Variants in RAF1 observed in about 807,000 individuals in gnomAD.
The protein encoded by RAF1 is RAF proto-oncogene serine/threonine-protein kinase.
Under a neutral mutation model 81.1 loss-of-function variants are expected in RAF1, and 27 were observed. The observed-to-expected ratio is 0.33, with a 90% CI of 0.25 to 0.46. The LOEUF is 0.46. Ranked by LOEUF, RAF1 falls within the 20% of genes least tolerant of loss-of-function variation. The pLI, the probability that RAF1 is intolerant of heterozygous loss-of-function variation, is 1.00. For synonymous variants in RAF1, 298 were observed against 294.0 expected (o/e 1.01, Z -0.14); for missense variants, 598 against 826.0 (o/e 0.72, Z 3.38).
intron 11 of RAF1, among the ~76,000 whole-genome samples, chr3:12,594,002 G>C (rs2058607675): frequency 6.6e-6 from 1 of 152,110 alleles, no homozygotes; most frequent in Admixed American, 6.5e-5. Context: ...AAATAGGACA[G>C]AGAATGTTTC....
intron 1 of RAF1, among the ~76,000 whole-genome samples, chr3:12,652,487 C>T (rs1219905883): frequency 6.6e-6 from 1 of 152,016 alleles, no homozygotes; most frequent in Non-Finnish European, 1.5e-5. Context: ...CACCACTGCA[C>T]TCCAGCCTGG....
chr3:12,629,492 A>G (rs1323670893), intron 1 of RAF1, among the ~76,000 whole-genome samples: 1 of 152,202 alleles, frequency 6.6e-6, no homozygotes, highest in Non-Finnish European at 1.5e-5. Flanking sequence ...TACATACAAT[A>G]TCCCTTTTAA....
chr3:12,655,157 A>G (rs1396498403), intron 1 of RAF1, among the ~76,000 whole-genome samples: 1 of 152,236 alleles, frequency 6.6e-6, no homozygotes, highest in Admixed American at 6.5e-5. Flanking sequence ...ATCTCAGCTC[A>G]CTGCAACCTC....
At chr3:12,651,549 G>A (rs928325638) in intron 1 of RAF1, among the ~76,000 whole-genome samples, 10 of 151,820 alleles carry the variant, frequency 6.6e-5, no homozygotes, top group East Asian at 1.9e-4. Flanking sequence ...CACGAGAATC[G>A]CTGGAACCCG....
At chr3:12,656,164 T>C (rs890176433) in intron 1 of RAF1, among the ~76,000 whole-genome samples, 1 of 146,876 alleles carries the variant, frequency 6.8e-6, no homozygotes, top group African/African-American at 2.5e-5. Context: ...GAAATCACAA[T>C]CTCTCCTCTC....
intron 1 of RAF1, among the ~76,000 whole-genome samples, chr3:12,625,234 C>T (rs1325558245): frequency 6.6e-6 from 1 of 151,930 alleles, no homozygotes; most frequent in Non-Finnish European, 1.5e-5. Context: ...CAGGCATGCG[C>T]CACTATGTCT....
chr3:12,603,017 T>C (rs1014907214), intron 8 of RAF1, among the ~76,000 whole-genome samples: 1 of 150,086 alleles, frequency 6.7e-6, no homozygotes, highest in East Asian at 1.9e-4. Flanking sequence ...GGAATTGATT[T>C]AAAAAAAAAA....
rs2060971706 is a variant in RAF1 at position 12,664,024 on chromosome 3, G to A, written c.-238C>T. On this transcript the variant is annotated 5_prime_UTR_variant, in exon 1 of 18. Coordinates refer to ENST00000442415, the MANE Select transcript of RAF1 (RefSeq NM_001354689.3). Reference sequence around the variant, plus strand: ...AAGCCCGGCCAGCTGACCCTTTTCGGGGCCCAAAAAAGGCAGCAGAAAGCC... The same window carrying A: ...AAGCCCGGCCAGCTGACCCTTTTCGAGGCCCAAAAAAGGCAGCAGAAAGCC... 2.5e-6 allele frequency: 1 copy of A among 398,354 alleles called. No homozygotes were observed. The highest frequency in any genetic ancestry group is 2.1e-5 in the African/African-American group (1 of 48,616). 24.7% of individuals were successfully genotyped at this position (398,354 alleles called of 1,614,324 possible).
intron 2 of RAF1, among the ~76,000 whole-genome samples, chr3:12,614,196 A>G (rs1317932878): frequency 6.6e-6 from 1 of 152,248 alleles, no homozygotes; most frequent in Non-Finnish European, 1.5e-5. Flanking sequence ...CTTTTGGCTC[A>G]TATGAATGCT....
intron 1 of RAF1, 130 bp downstream of exon 1, chr3:12,663,683 C>T (rs901783305): frequency 5.1e-6 from 2 of 389,056 alleles, no homozygotes; most frequent in African/African-American, 2.1e-5. Flanking sequence ...AACGGCCTGG[C>T]CCAAGCCCTC....
Position 12,600,006 on chromosome 3 carries a change from C to CA in RAF1, c.1050+145dup. The CA allele has an allele frequency of 5.0e-6, 7 of 1,403,168 alleles. No homozygotes were observed. The South Asian group carries it at 8.3e-5, about 17-fold the overall frequency. 86.9% of individuals were successfully genotyped at this position (1,403,168 alleles called of 1,614,324 possible). On this transcript the variant is annotated intron_variant, in intron 10 of 17. Transcript: ENST00000442415. ...GGCAAACTGTCTGATGCAAGTGTGCCAAAAATGACAGTAACATTTATAATC... is the reference window on the plus strand; with the variant it reads ...GGCAAACTGTCTGATGCAAGTGTGCCAAAAAATGACAGTAACATTTATAATC...
chr3:12,610,611 T>A (rs987462409), intron 3 of RAF1, among the ~76,000 whole-genome samples: 2 of 152,162 alleles, frequency 1.3e-5, no homozygotes, highest in African/African-American at 4.8e-5. Context: ...CTTCAAAGAT[T>A]TGCACTTCAA....
rs59472802 is a variant in RAF1, at chr3:12,598,725, CAAAAAAAAAAAA to C, written c.1168+954_1168+965del. Among the ~76,000 whole-genome samples the C allele has an allele frequency of 3.1e-3, 193 of 61,998 alleles. 2 individuals carry two copies. Among genetic ancestry groups the C allele is most frequent in the Middle Eastern group, 0.011 (1 of 92 alleles). The allele number at this position is 61,998 out of a possible 152,430, so 40.7% of individuals were successfully genotyped here. ...TGGGCAACAGAGCAAGAATCTATCT[CAAAAAAAAAAAA>C]AAAAAAAAAAAAAAAACCACCAAGT... On this transcript the variant is annotated intron_variant, in intron 11 of 17. Coordinates refer to ENST00000442415, the MANE Select transcript of RAF1 (RefSeq NM_001354689.3).
chr3:12,599,534 G>T (rs5746227), intron 11 of RAF1, among the ~76,000 whole-genome samples, 157 bp downstream of exon 10: 1 of 152,128 alleles, frequency 6.6e-6, no homozygotes, highest in Admixed American at 6.5e-5. Flanking sequence ...AGTCTAAAAA[G>T]AATTAAGTTC....
chr3:12,644,686 C>T (rs2060291586), intron 1 of RAF1, among the ~76,000 whole-genome samples: 1 of 152,182 alleles, frequency 6.6e-6, no homozygotes, highest in Non-Finnish European at 1.5e-5. Flanking sequence ...AATGTAAATA[C>T]TTCAGGCATG....
intron 11 of RAF1, chr3:12,592,078 A>G (rs2058533498): frequency 8.9e-6 from 4 of 449,094 alleles, no homozygotes; most frequent in Non-Finnish European, 1.7e-5. Context: ...CATAATTCAA[A>G]TGACTCAAAA....
chr3:12,584,581 C>A lies in RAF1; in HGVS notation c.1940G>T (p.Arg647Leu), dbSNP rs730881006. The change falls in exon 18 of 18, where the codon CGG becomes CTG. Residue 647 changes from arginine to leucine, a missense_variant. Physicochemically the swap from Arg to Leu is moderately radical, Grantham distance 102 (BLOSUM62 -2). Coordinates refer to ENST00000442415, the MANE Select transcript of RAF1 (RefSeq NM_001354689.3). Reference sequence around the variant, plus strand: ...ATTGATATCCTCAGTGTGGGCTGCCCGATGCAAGGATGGCTCGGAAGCGCT... The same window carrying A: ...ATTGATATCCTCAGTGTGGGCTGCCAGATGCAAGGATGGCTCGGAAGCGCT... The A allele has an allele frequency of 6.2e-7, 1 of 1,614,088 alleles. No homozygotes were observed. Among genetic ancestry groups the A allele is most frequent in the Non-Finnish European group, 8.5e-7 (1 of 1,180,010 alleles).
At chr3:12,658,694 TAAAG>T (rs2060777499) in intron 1 of RAF1, among the ~76,000 whole-genome samples, 1 of 152,186 alleles carries the variant, frequency 6.6e-6, no homozygotes, top group Non-Finnish European at 1.5e-5. Context: ...CTCTAAATCA[TAAAG>T]ATTTTAAAAC....
intron 1 of RAF1, among the ~76,000 whole-genome samples, chr3:12,634,953 T>C (rs1280334814): frequency 6.6e-6 from 1 of 152,158 alleles, no homozygotes; most frequent in Non-Finnish European, 1.5e-5. Context: ...ATAAGAGATA[T>C]GTATACAAGA....
Sources: allele counts gnomAD v4.1 joint callset (sites outside exome capture counted in the v4.1 genomes callset), GRCh38; gene constraint gnomAD v4.1.1; transcripts MANE v1.5; gene names NCBI Gene and HGNC (gene_info 2026-07-23, HGNC 2026-07-21).